Variants in GRIP1 observed in about 807,000 individuals in gnomAD.
GRIP1 encodes glutamate receptor-interacting protein 1.
Under a neutral mutation model 129.9 loss-of-function variants are expected in GRIP1, and 45 were observed. The observed-to-expected ratio is 0.35, with a 90% CI of 0.27 to 0.44. GRIP1 has a LOEUF of 0.44. GRIP1 is among the 20% of genes least tolerant of loss of function. The pLI is 1.00. For missense variants in GRIP1, 1,196 were observed against 1,396.8 expected, an observed-to-expected ratio of 0.86 and a Z score of 2.29; for synonymous variants, 530 against 520.8, an observed-to-expected ratio of 1.02 and a Z score of -0.24.
At chr12:66,610,526 A>T (rs2139873694) in intron 1 of GRIP1, among the ~76,000 whole-genome samples, 1 of 152,294 alleles carries the variant, frequency 6.6e-6, no homozygotes, top group Middle Eastern at 3.4e-3. Flanking sequence ...CAATGGTAAG[A>T]ACCAAGATAG....
intron 1 of GRIP1, among the ~76,000 whole-genome samples, chr12:66,666,878 C>A (rs1049027833): frequency 6.9e-6 from 1 of 144,022 alleles, no homozygotes; most frequent in Non-Finnish European, 1.5e-5. Context: ...ACATTGAAAC[C>A]TTTTTTTTTT....
At chr12:66,849,142 C>T (rs773616097) in intron 1 of GRIP1, among the ~76,000 whole-genome samples, 6 of 152,118 alleles carry the variant, frequency 3.9e-5, no homozygotes, top group Non-Finnish European at 2.9e-5. Context: ...CCTCTTCTCC[C>T]TGGCATGAGC....
intron 6 of GRIP1, among the ~76,000 whole-genome samples, chr12:66,516,896 G>A (rs775683512): frequency 7.2e-5 from 11 of 152,060 alleles, no homozygotes; most frequent in Non-Finnish European, 1.2e-4. Flanking sequence ...AATTCCTCCC[G>A]CAGTTCTTTG....
At chr12:66,664,651 T>G (rs1174315469) in intron 1 of GRIP1, among the ~76,000 whole-genome samples, 3 of 152,216 alleles carry the variant, frequency 2.0e-5, no homozygotes, top group Non-Finnish European at 4.4e-5. Context: ...AGCTTCCTTA[T>G]CATTAAGCTG....
chr12:67,031,578 G>A (rs2043023260), intron 1 of GRIP1, among the ~76,000 whole-genome samples: 1 of 152,000 alleles, frequency 6.6e-6, no homozygotes, highest in Non-Finnish European at 1.5e-5. Context: ...TTATTACATG[G>A]ATAATTTACC....
intron 2 of GRIP1, among the ~76,000 whole-genome samples, chr12:66,577,058 A>C (rs1305607235): frequency 6.6e-6 from 1 of 152,176 alleles, no homozygotes; most frequent in East Asian, 1.9e-4. Context: ...CTCCATGCTA[A>C]AGACCATTGA....
At chr12:66,562,409 T>C (rs999503522) in intron 2 of GRIP1, among the ~76,000 whole-genome samples, 4 of 152,218 alleles carry the variant, frequency 2.6e-5, no homozygotes, top group African/African-American at 7.2e-5. Context: ...TTGGATTTTC[T>C]TTCAAGCTGC....
chr12:66,836,352 C>T (rs1024285047), intron 1 of GRIP1, among the ~76,000 whole-genome samples: 5 of 152,140 alleles, frequency 3.3e-5, no homozygotes, highest in African/African-American at 9.7e-5. Flanking sequence ...CCATACTTCC[C>T]GGGCCTTTAT....
intron 1 of GRIP1, among the ~76,000 whole-genome samples, chr12:66,921,587 G>T (rs1038331580): frequency 2.6e-5 from 4 of 152,164 alleles, no homozygotes; most frequent in African/African-American, 9.7e-5. Context: ...ACCCACAGGT[G>T]GCCTGACATC....
At chr12:66,444,116 A>T (rs1464495297) in intron 13 of GRIP1, among the ~76,000 whole-genome samples, 1 of 152,234 alleles carries the variant, frequency 6.6e-6, no homozygotes, top group Non-Finnish European at 1.5e-5. Context: ...TGACATTTTA[A>T]GGAATAATCC....
chr12:66,632,358 G>A (rs1252944401), intron 1 of GRIP1, among the ~76,000 whole-genome samples: 1 of 152,180 alleles, frequency 6.6e-6, no homozygotes, highest in East Asian at 1.9e-4. Flanking sequence ...TGGAGCCCTT[G>A]GAGCTCTCAG....
At chr12:66,944,208 G>C (rs1301828711) in intron 1 of GRIP1, among the ~76,000 whole-genome samples, 1 of 152,094 alleles carries the variant, frequency 6.6e-6, no homozygotes, top group African/African-American at 2.4e-5. Context: ...TCAGGCTTTT[G>C]ATCTGCTAAT....
intron 1 of GRIP1, among the ~76,000 whole-genome samples, chr12:66,802,347 T>C (rs1592859820): frequency 6.6e-6 from 1 of 152,202 alleles, no homozygotes; most frequent in Admixed American, 6.5e-5. Flanking sequence ...GAAATGACTT[T>C]TGATATTTAA....
rs1006545272 is a variant in GRIP1, at chr12:66,988,126, T to G, written c.58+80924A>C. Among the ~76,000 whole-genome samples, 24 of 152,288 alleles carry G rather than the reference T, an allele frequency of 1.6e-4. 1 individual carries two copies. The highest frequency in any genetic ancestry group is 8.5e-4 in the Admixed American group (13 of 15,292). ...TCTAGTAGCAAATTCTTCAAATCAA[T>G]AAGTAATTAAGAAAGGACTCCAAAC... On this transcript the variant is annotated intron_variant, in intron 1 of 1. Coordinates refer to the GRIP1 transcript ENST00000643019.
intron 1 of GRIP1, among the ~76,000 whole-genome samples, chr12:66,694,500 G>A (rs185215000): frequency 2.0e-3 from 298 of 152,204 alleles, no homozygotes; most frequent in African/African-American, 6.9e-3. Context: ...CACAGTGCCA[G>A]CTCACAGTAA....
chr12:66,577,205 G>T (rs1024463475), intron 2 of GRIP1, among the ~76,000 whole-genome samples: 1 of 152,220 alleles, frequency 6.6e-6, no homozygotes, highest in East Asian at 1.9e-4. Flanking sequence ...GTATCTGAAT[G>T]ACTGACTTTG....
intron 1 of GRIP1, among the ~76,000 whole-genome samples, chr12:66,905,285 T>C (rs2040912859): frequency 6.6e-6 from 1 of 152,192 alleles, no homozygotes; most frequent in Non-Finnish European, 1.5e-5. Context: ...AAATGTTCAT[T>C]GTAGGAAATC....
intron 15 of GRIP1, among the ~76,000 whole-genome samples, chr12:66,412,735 G>A (rs2057446192): frequency 6.6e-6 from 1 of 152,158 alleles, no homozygotes; most frequent in South Asian, 2.1e-4. Context: ...CTGTCTTCAA[G>A]AGACCTATCT....
intron 13 of GRIP1, among the ~76,000 whole-genome samples, chr12:66,437,632 C>A (rs2058350279): frequency 1.3e-5 from 2 of 152,064 alleles, no homozygotes; most frequent in Admixed American, 1.3e-4. Context: ...ATTAGAGTAT[C>A]CAATCAACAA....
Sources: allele counts gnomAD v4.1 joint callset (sites outside exome capture counted in the v4.1 genomes callset), GRCh38; gene constraint gnomAD v4.1.1; transcripts MANE v1.5; gene names NCBI Gene and HGNC (gene_info 2026-07-23, HGNC 2026-07-21).